Variants in ASIP observed in about 807,000 individuals in gnomAD.
ASIP encodes the protein agouti-signaling protein.
ASIP carries 11 observed loss-of-function variants against 10.3 expected under a neutral mutation model. The observed-to-expected ratio is 1.07, with a 90% CI of 0.68 to 1.78. ASIP has a LOEUF of 1.78. ASIP is among the 40% of genes most tolerant of loss of function. The pLI is 0.00. For missense variants in ASIP, 180 were observed against 169.2 expected (o/e 1.06, Z -0.35); for synonymous variants, 70 against 70.8 (o/e 0.99, Z 0.06).
intron 1 of ASIP, among the ~76,000 whole-genome samples, chr20:34,224,013 G>A (rs1189793959): frequency 8.2e-6 from 1 of 122,022 alleles, no homozygotes. Flanking sequence ...ACAGATGCTT[G>A]AAGGCAGCAT....
At chr20:34,268,452 TCA>T (rs2035826292) in intron 3 of ASIP, among the ~76,000 whole-genome samples, 1 of 152,092 alleles carries the variant, frequency 6.6e-6, no homozygotes, top group African/African-American at 2.4e-5. Context: ...GCGCGGTGGC[TCA>T]CGCCTGTAAT....
chr20:34,213,720 C>T (rs577803153), intron 1 of ASIP: 139 of 1,514,510 alleles, frequency 9.2e-5, no homozygotes, highest in Non-Finnish European at 2.0e-5. Flanking sequence ...CTTCTTCCTC[C>T]AGGCAAATAA....
intron 1 of ASIP, among the ~76,000 whole-genome samples, chr20:34,205,870 G>A (rs2034933326): frequency 1.3e-5 from 2 of 151,044 alleles, no homozygotes; most frequent in South Asian, 4.2e-4. Flanking sequence ...GACACAGAGT[G>A]CTGATTGGTG....
intron 1 of ASIP, among the ~76,000 whole-genome samples, chr20:34,257,070 C>CTTTTTTTTT (rs56227909): frequency 1.3e-3 from 180 of 139,290 alleles, no homozygotes; most frequent in African/African-American, 4.5e-3. Context: ...CTTTCTTTCT[C>CTTTTTTTTT]TTTTTTTTTT....
intron 1 of ASIP, among the ~76,000 whole-genome samples, chr20:34,253,105 CTTT>C (rs915885806): frequency 1.3e-5 from 2 of 149,420 alleles, no homozygotes; most frequent in Admixed American, 1.3e-4. Flanking sequence ...ATCTCTCTTT[CTTT>C]TTTTTTTATT....
intron 1 of ASIP, among the ~76,000 whole-genome samples, chr20:34,223,248 G>A (rs1353267138): frequency 7.1e-6 from 1 of 140,196 alleles, no homozygotes; most frequent in Non-Finnish European, 1.5e-5. Flanking sequence ...GCCGCCCATC[G>A]TCTGAGATGT....
chr20:34,221,865 T>G (rs1052174460), intron 1 of ASIP, among the ~76,000 whole-genome samples: 1 of 152,132 alleles, frequency 6.6e-6, no homozygotes, highest in African/African-American at 2.4e-5. Flanking sequence ...ATCCCAGCAC[T>G]TTGGGAGGCC....
chr20:34,261,277 T>G (rs1190552879), intron 2 of ASIP, among the ~76,000 whole-genome samples: 1 of 152,002 alleles, frequency 6.6e-6, no homozygotes, highest in African/African-American at 2.4e-5. Context: ...GGCATGAGGA[T>G]TGTTTGAGCC....
At chr20:34,247,038 G>C (rs1033584499) in intron 1 of ASIP, among the ~76,000 whole-genome samples, 1 of 151,822 alleles carries the variant, frequency 6.6e-6, no homozygotes, top group African/African-American at 2.4e-5. Flanking sequence ...TATCACCCAG[G>C]CTGGAGTGCA....
chr20:34,263,660 T>C (rs2035734688), intron 3 of ASIP, among the ~76,000 whole-genome samples: 1 of 147,142 alleles, frequency 6.8e-6, no homozygotes, highest in South Asian at 2.2e-4. Flanking sequence ...TTATTTTATG[T>C]CTTTTTTTTT....
intron 1 of ASIP, chr20:34,214,320 A>G: frequency 1.5e-6 from 2 of 1,321,032 alleles, no homozygotes; most frequent in African/African-American, 2.9e-5. Context: ...CTGAGGTTCA[A>G]CTGTGAAAAA....
chr20:34,221,102 G>C (rs1034029916), intron 1 of ASIP, among the ~76,000 whole-genome samples: 1 of 152,106 alleles, frequency 6.6e-6, no homozygotes, highest in South Asian at 2.1e-4. Flanking sequence ...GGCAGGGCCA[G>C]GCGCGATGGC....
Position 34,264,789 on chromosome 20 carries a change from A to T in ASIP, c.222+1896A>T, listed in dbSNP as rs1445177486. On this transcript the variant is annotated intron_variant, in intron 3 of 3. Coordinates refer to ENST00000374954, the MANE Select transcript of ASIP (RefSeq NM_001672.3). ...TATTTTATTTTCCCTAGTTTACTTC[A>T]TTTTTTTTTTTTTTTTTTTTTTTAG... 4.3e-4 allele frequency among the ~76,000 whole-genome samples: 45 copies of T among 104,182 alleles called. 1 individual carries two copies. The highest frequency in any genetic ancestry group is 1.5e-3 in the Admixed American group (13 of 8,394). 68.3% of individuals were successfully genotyped at this position (104,182 alleles called of 152,430 possible).
intron 2 of ASIP, among the ~76,000 whole-genome samples, chr20:34,261,408 C>A (rs2035688767): frequency 6.6e-6 from 1 of 152,134 alleles, no homozygotes; most frequent in Non-Finnish European, 1.5e-5. Flanking sequence ...CTGAGGCGGG[C>A]AGATCTCTTG....
intron 1 of ASIP, among the ~76,000 whole-genome samples, chr20:34,235,846 AAG>A (rs1302679469): frequency 3.9e-4 from 18 of 45,572 alleles, no homozygotes; most frequent in South Asian, 2.7e-3. Context: ...AGAAAGAAGG[AAG>A]GAAGGAAGGA....
intron 1 of ASIP, among the ~76,000 whole-genome samples, chr20:34,217,006 A>G (rs1027871626): frequency 2.0e-5 from 3 of 152,058 alleles, no homozygotes; most frequent in Admixed American, 6.6e-5. Flanking sequence ...TGTTTCTGTC[A>G]AGCGAATAGG....
intron 1 of ASIP, chr20:34,215,999 G>A: frequency 1.4e-6 from 1 of 713,462 alleles, no homozygotes; most frequent in East Asian, 2.6e-5. Flanking sequence ...CTCCCAGCCT[G>A]AACTCCATGG....
At chr20:34,207,989 C>A (rs2034948561) in intron 1 of ASIP, among the ~76,000 whole-genome samples, 1 of 151,964 alleles carries the variant, frequency 6.6e-6, no homozygotes, top group Admixed American at 6.6e-5. Context: ...CCGGGTTTCA[C>A]CATGGTCTCG....
At chr20:34,227,608 T>C (rs2035101522) in intron 1 of ASIP, among the ~76,000 whole-genome samples, 1 of 141,430 alleles carries the variant, frequency 7.1e-6, no homozygotes, top group Non-Finnish European at 1.5e-5. Flanking sequence ...TCCAGCCTGG[T>C]GACAGAGTGA....
Sources: gnomAD v4.1 joint callset for allele counts (sites outside exome capture counted in the v4.1 genomes callset) on GRCh38, gnomAD v4.1.1 for gene constraint, MANE v1.5 for transcripts, NCBI Gene and HGNC (gene_info 2026-07-23, HGNC 2026-07-21) for gene names.